NEGR1: variants seen among roughly 807,000 people sequenced by gnomAD.
NEGR1 encodes neuronal growth regulator 1, also known as IgLON family member 4.
In NEGR1, 10 loss-of-function variants were observed where a neutral mutation model predicts 40.9. The observed-to-expected ratio is 0.24, with a 90% CI of 0.15 to 0.42. The LOEUF (loss-of-function observed/expected upper bound fraction) is 0.42. Ranked by LOEUF, NEGR1 falls within the 10% of genes least tolerant of loss-of-function variation. NEGR1 has a pLI of 1.00. For synonymous variants in NEGR1, 185 were observed against 166.8 expected (o/e 1.11, Z -0.84); for missense variants, 352 against 438.9 (o/e 0.80, Z 1.77).
intron 6 of NEGR1, among the ~76,000 whole-genome samples, chr1:71,533,016 G>A (rs947056331): frequency 1.3e-5 from 2 of 151,554 alleles, no homozygotes; most frequent in East Asian, 2.0e-4. Context: ...TACACAGATG[G>A]TCTTTGATAT....
At chr1:71,534,561 C>T (rs528740279) in intron 6 of NEGR1, among the ~76,000 whole-genome samples, 1 of 151,696 alleles carries the variant, frequency 6.6e-6, no homozygotes, top group South Asian at 2.1e-4. Context: ...GCATAACAAG[C>T]TACAATTAAA....
At chr1:71,767,977 G>T (rs1392174622) in intron 3 of NEGR1, among the ~76,000 whole-genome samples, 2 of 152,230 alleles carry the variant, frequency 1.3e-5, no homozygotes, top group Non-Finnish European at 2.9e-5. Flanking sequence ...GAGTACAAGA[G>T]CTGAGGCTTG....
At chr1:71,509,706 G>A (rs370802300) in intron 6 of NEGR1, among the ~76,000 whole-genome samples, 9 of 152,296 alleles carry the variant, frequency 5.9e-5, no homozygotes, top group African/African-American at 2.2e-4. Context: ...CCAGGTGGGT[G>A]CCTAATAAAT....
chr1:71,896,408 T>C (rs1465629612), intron 2 of NEGR1, among the ~76,000 whole-genome samples: 2 of 152,214 alleles, frequency 1.3e-5, no homozygotes, highest in Non-Finnish European at 2.9e-5. Flanking sequence ...CATCATTTTA[T>C]TGTTGAGCTG....
intron 6 of NEGR1, among the ~76,000 whole-genome samples, chr1:71,541,457 C>A (rs1252777309): frequency 1.3e-5 from 2 of 151,624 alleles, no homozygotes; most frequent in African/African-American, 4.8e-5. Flanking sequence ...GACAGATATC[C>A]CTGGAGTATT....
intron 1 of NEGR1, among the ~76,000 whole-genome samples, chr1:72,203,668 A>G (rs1047716339): frequency 2.6e-5 from 4 of 152,134 alleles, no homozygotes; most frequent in Admixed American, 2.0e-4. Flanking sequence ...GTAAAATGCT[A>G]TCAAACACCA....
At chr1:71,601,847 T>C (rs1002395993) in intron 5 of NEGR1, among the ~76,000 whole-genome samples, 2 of 152,090 alleles carry the variant, frequency 1.3e-5, no homozygotes, top group South Asian at 2.1e-4. Context: ...AAATTACTTA[T>C]TGAGTACAAT....
intron 1 of NEGR1, among the ~76,000 whole-genome samples, chr1:71,955,963 A>T (rs1646115892): frequency 6.6e-6 from 1 of 152,026 alleles, no homozygotes; most frequent in Non-Finnish European, 1.5e-5. Context: ...TGTTTTAAAA[A>T]TGAAGATGTT....
rs560229305 is a variant in NEGR1 at position 71,545,215 on chromosome 1, T to C, written c.940+47602A>G. Among the ~76,000 whole-genome samples, 172 of 151,646 alleles carry C rather than the reference T, an allele frequency of 1.1e-3. 1 individual carries two copies. Among genetic ancestry groups the C allele is most frequent in the African/African-American group, 4.0e-3 (167 of 41,440 alleles). On this transcript the variant is annotated intron_variant, in intron 6 of 6. Coordinates refer to ENST00000357731, the MANE Select transcript of NEGR1 (RefSeq NM_173808.3). Reference sequence around the variant, plus strand: ...TCCCATGCTGGACCTAGAGAACAAGTCCCATATTTGAAATTCAGGATCTGT... The same window carrying C: ...TCCCATGCTGGACCTAGAGAACAAGCCCCATATTTGAAATTCAGGATCTGT...
At chr1:72,154,072 C>T (rs1160852039) in intron 1 of NEGR1, among the ~76,000 whole-genome samples, 1 of 151,500 alleles carries the variant, frequency 6.6e-6, no homozygotes, top group Non-Finnish European at 1.5e-5. Context: ...TATCTCATTG[C>T]AGATGCGTGG....
At chr1:71,597,480 G>C (rs1293774130) in intron 5 of NEGR1, among the ~76,000 whole-genome samples, 5 of 125,434 alleles carry the variant, frequency 4.0e-5, no homozygotes, top group African/African-American at 1.3e-4. Flanking sequence ...CTCTGTGTGT[G>C]TGTGTGTGTG....
chr1:71,906,789 C>G (rs2101868929), intron 2 of NEGR1, among the ~76,000 whole-genome samples: 1 of 152,258 alleles, frequency 6.6e-6, no homozygotes, highest in African/African-American at 2.4e-5. Flanking sequence ...GTATAATTCA[C>G]ATCTGCTAAC....
chr1:71,444,122 T>C (rs1172569705), intron 6 of NEGR1, among the ~76,000 whole-genome samples: 2 of 152,196 alleles, frequency 1.3e-5, no homozygotes, highest in African/African-American at 2.4e-5. Context: ...TCTTTTTCTA[T>C]CTTTATTATA....
At chr1:71,843,473 C>T (rs1001027531) in intron 2 of NEGR1, among the ~76,000 whole-genome samples, 14 of 152,072 alleles carry the variant, frequency 9.2e-5, no homozygotes, top group Admixed American at 7.9e-4. Flanking sequence ...TTCCCAGTTA[C>T]GTGCTGACTG....
At chr1:71,466,069 C>T (rs558924894) in intron 6 of NEGR1, among the ~76,000 whole-genome samples, 2 of 152,016 alleles carry the variant, frequency 1.3e-5, no homozygotes, top group Admixed American at 1.3e-4. Context: ...GATGTGTGAC[C>T]ACTTAAATTA....
chr1:71,512,492 G>T (rs1306416570), intron 6 of NEGR1, among the ~76,000 whole-genome samples: 1 of 151,814 alleles, frequency 6.6e-6, no homozygotes, highest in Non-Finnish European at 1.5e-5. Flanking sequence ...TCAACTAAAG[G>T]CAAAATTTGC....
intron 1 of NEGR1, among the ~76,000 whole-genome samples, chr1:72,242,862 C>G (rs1322641496): frequency 6.6e-6 from 1 of 151,528 alleles, no homozygotes; most frequent in Non-Finnish European, 1.5e-5. Context: ...TGAGTCGGCC[C>G]TGCACTATAG....
At chr1:72,077,624 T>A (rs941704699) in intron 1 of NEGR1, among the ~76,000 whole-genome samples, 9 of 141,796 alleles carry the variant, frequency 6.3e-5, no homozygotes, top group Non-Finnish European at 9.2e-5. Context: ...ACTCTGTCTC[T>A]ACAATAAATA....
chr1:71,406,145 A>G lies in NEGR1; in HGVS notation c.*1301T>C, dbSNP rs1646276462. ...GTCTTTTTTGATTTTACTTGTTTGC[A>G]CTGAAATGGCTATATAGAAAGATTT... is the stretch of plus-strand genomic sequence containing the variant. On this transcript the variant is annotated 3_prime_UTR_variant, in exon 7 of 7. Transcript: ENST00000357731. The G allele has an allele frequency of 6.6e-6, 1 of 151,916 alleles. No individual in the cohort carries two copies. The highest frequency in any genetic ancestry group is 2.1e-4 in the South Asian group (1 of 4,826). 9.4% of individuals were successfully genotyped at this position (151,916 alleles called of 1,614,324 possible).
Sources: gnomAD v4.1 joint callset for allele counts (sites outside exome capture counted in the v4.1 genomes callset) on GRCh38, gnomAD v4.1.1 for gene constraint, MANE v1.5 for transcripts, NCBI Gene and HGNC (gene_info 2026-07-23, HGNC 2026-07-21) for gene names.